DPP10: variants seen among roughly 807,000 people sequenced by gnomAD.
DPP10 encodes the protein dipeptidyl peptidase like 10.
DPP10 carries 33 observed loss-of-function variants against 120.9 expected under a neutral mutation model. That is an observed-to-expected ratio of 0.27 (90% CI 0.21 to 0.37). The LOEUF (loss-of-function observed/expected upper bound fraction) is 0.37. Among genes scored for constraint, DPP10 ranks in the 10% least tolerant of loss-of-function variants. The pLI is 1.00. For missense variants in DPP10, 816 were observed against 942.8 expected (o/e 0.87, Z 1.76); for synonymous variants, 337 against 326.1 (o/e 1.03, Z -0.36).
At chr2:115,591,455 A>C (rs2149174716) in intron 5 of DPP10, among the ~76,000 whole-genome samples, 1 of 152,310 alleles carries the variant, frequency 6.6e-6, no homozygotes, top group Admixed American at 6.5e-5. Context: ...TTCAAAGATC[A>C]GATGGTTGTA....
At chr2:115,647,828 G>A (rs1052849663) in intron 5 of DPP10, among the ~76,000 whole-genome samples, 3 of 152,068 alleles carry the variant, frequency 2.0e-5, no homozygotes, top group Non-Finnish European at 4.4e-5. Context: ...CATTCATGAG[G>A]CAACAGCTCT....
intron 1 of DPP10, among the ~76,000 whole-genome samples, chr2:114,815,356 G>T (rs1362478454): frequency 6.6e-6 from 1 of 152,152 alleles, no homozygotes; most frequent in East Asian, 1.9e-4. Context: ...TACTAGGAAA[G>T]GTAGGAAGTG....
intron 1 of DPP10, among the ~76,000 whole-genome samples, chr2:115,052,643 T>C (rs759274515): frequency 2.0e-5 from 3 of 152,038 alleles, no homozygotes; most frequent in Non-Finnish European, 4.4e-5. Context: ...TCATACCCAC[T>C]AGAATGGCTA....
At chr2:115,169,291 CTA>C (rs1424243052) in intron 1 of DPP10, among the ~76,000 whole-genome samples, 1 of 152,122 alleles carries the variant, frequency 6.6e-6, no homozygotes, top group East Asian at 1.9e-4. Flanking sequence ...AGCTTGAAAC[CTA>C]GTAAGTATTT....
chr2:115,437,472 A>ATT (rs1433897354), intron 3 of DPP10, among the ~76,000 whole-genome samples: 1 of 152,028 alleles, frequency 6.6e-6, no homozygotes, highest in African/African-American at 2.4e-5. Flanking sequence ...AAATGATTAA[A>ATT]AGAGGAACTT....
chr2:114,627,737 G>C (rs552219269), intron 1 of DPP10, among the ~76,000 whole-genome samples: 1 of 152,218 alleles, frequency 6.6e-6, no homozygotes, highest in East Asian at 1.9e-4. Context: ...ATTTTTGAAT[G>C]ATGAGGCACC....
rs199651289 is a variant in DPP10 at position 115,456,050 on chromosome 2, AT to A, written c.272-43455del. On this transcript the variant is annotated intron_variant, in intron 3 of 25. Transcript: ENST00000410059. ...CAGGCAGCCTACAGAATGGGAGAAA[AT>A]TTTTGCAATCTATCCATCTGACAAA... is the stretch of plus-strand genomic sequence containing the variant. Among the ~76,000 whole-genome samples, 30 of 152,238 alleles carry A rather than the reference AT, an allele frequency of 2.0e-4. No individual in the cohort carries two copies. In the East Asian group the frequency reaches 5.2e-3, roughly 26 times the overall value.
chr2:114,769,871 G>T (rs1681096699), intron 1 of DPP10, among the ~76,000 whole-genome samples: 1 of 152,140 alleles, frequency 6.6e-6, no homozygotes, highest in Non-Finnish European at 1.5e-5. Context: ...GACAGATGAA[G>T]ATGAGAATGT....
chr2:114,859,121 G>A (rs925972520), intron 1 of DPP10, among the ~76,000 whole-genome samples: 3 of 151,708 alleles, frequency 2.0e-5, no homozygotes, highest in Non-Finnish European at 4.4e-5. Flanking sequence ...GAGGTCAGGA[G>A]TTCAAGACCA....
intron 1 of DPP10, among the ~76,000 whole-genome samples, chr2:114,914,906 C>T (rs767167584): frequency 9.1e-4 from 138 of 152,134 alleles, no homozygotes; most frequent in Admixed American, 2.3e-3. Context: ...CCGAGGCGGG[C>T]GGATCATGAG....
chr2:115,586,835 T>A (rs1001787078), intron 5 of DPP10, among the ~76,000 whole-genome samples: 9 of 152,128 alleles, frequency 5.9e-5, no homozygotes, highest in African/African-American at 2.2e-4. Flanking sequence ...GGAACTTGAG[T>A]ATCTTTTCAT....
chr2:114,932,103 A>G (rs2104506437), intron 1 of DPP10, among the ~76,000 whole-genome samples: 1 of 152,328 alleles, frequency 6.6e-6, no homozygotes, highest in South Asian at 2.1e-4. Context: ...TCCCCAGAAA[A>G]GCAGCATCTG....
chr2:115,792,255 G>C (rs1166188380), intron 19 of DPP10, among the ~76,000 whole-genome samples: 3 of 151,970 alleles, frequency 2.0e-5, no homozygotes, highest in African/African-American at 7.2e-5. Flanking sequence ...AATACAACCT[G>C]TGTTTTAAGA....
At position 115,073,085 on chromosome 2, in the gene DPP10, A is replaced by G. The variant is rs189867374; in HGVS notation, c.61-236154A>G. Among the ~76,000 whole-genome samples, 148 of 152,304 alleles carry G rather than the reference A, an allele frequency of 9.7e-4. 1 individual carries two copies. In the Middle Eastern group the frequency reaches 0.02, roughly 21 times the overall value. ...GGCTTGAGCCACTGCGCCCAGCCAG[A>G]TTATATTTTCTTTAAGATAGAAATA... On this transcript the variant is annotated intron_variant, in intron 1 of 25. Transcript: ENST00000410059.
intron 1 of DPP10, among the ~76,000 whole-genome samples, chr2:114,604,797 C>T (rs563354860): frequency 6.6e-6 from 1 of 152,120 alleles, no homozygotes; most frequent in African/African-American, 2.4e-5. Context: ...ATTCTGTAAC[C>T]ACTGTTATTT....
chr2:114,987,894 C>T lies in DPP10; in HGVS notation c.61-321345C>T, dbSNP rs1044526731. 2.0e-5 allele frequency among the ~76,000 whole-genome samples: 3 copies of T among 146,832 alleles called. No homozygotes were observed. The East Asian group carries it at 6.2e-4, about 30-fold the overall frequency. Reference sequence around the variant, plus strand: ...TCTCGGCTCACTGCAAGCTCCGCCTCCCGGGTTCACACCATTCTCCTGCCT... The same window carrying T: ...TCTCGGCTCACTGCAAGCTCCGCCTTCCGGGTTCACACCATTCTCCTGCCT... On this transcript the variant is annotated intron_variant, in intron 1 of 25. Coordinates refer to ENST00000410059, the MANE Select transcript of DPP10 (RefSeq NM_020868.6).
At chr2:115,636,701 T>A (rs1352520175) in intron 5 of DPP10, among the ~76,000 whole-genome samples, 2 of 152,120 alleles carry the variant, frequency 1.3e-5, no homozygotes, top group Non-Finnish European at 2.9e-5. Context: ...ATTATGCAGA[T>A]CTTTATTGTA....
chr2:115,061,948 T>C (rs1042862108), intron 1 of DPP10, among the ~76,000 whole-genome samples: 2 of 152,150 alleles, frequency 1.3e-5, no homozygotes, highest in Non-Finnish European at 1.5e-5. Context: ...TAAAATTGTT[T>C]TTTTTCCCTT....
At chr2:115,573,674 G>A (rs1187385220) in intron 5 of DPP10, among the ~76,000 whole-genome samples, 10 of 133,400 alleles carry the variant, frequency 7.5e-5, no homozygotes, top group Admixed American at 7.0e-4. Flanking sequence ...TGCAACCTCC[G>A]CCTCCTGGGT....
Sources: allele counts gnomAD v4.1 joint callset (sites outside exome capture counted in the v4.1 genomes callset), GRCh38; gene constraint gnomAD v4.1.1; transcripts MANE v1.5; gene names NCBI Gene and HGNC (gene_info 2026-07-23, HGNC 2026-07-21).